The following MROH2A variants were observed in gnomAD, a reference collection of about 807,000 sequenced individuals.
MROH2A encodes the protein maestro heat-like repeat-containing protein family member 2A.
A neutral mutation model predicts 200.4 loss-of-function variants in MROH2A; 174 were observed. The observed-to-expected ratio is 0.87, with a 90% CI of 0.77 to 0.98. MROH2A has a LOEUF of 0.98. Ranked by LOEUF, MROH2A falls within the 50% of genes least tolerant of loss-of-function variation. The probability of loss-of-function intolerance (pLI) is 0.00; values close to 1 mark genes in which losing one functional copy is unlikely to be tolerated. For synonymous variants in MROH2A, 829 were observed against 840.4 expected (o/e 0.99, Z 0.23); for missense variants, 2,045 against 2,139.6 (o/e 0.96, Z 0.87).
chr2:233,814,314 TGGACA>T (rs542085267), intron 25 of MROH2A, among the ~76,000 whole-genome samples: 2 of 152,300 alleles, frequency 1.3e-5, no homozygotes, highest in South Asian at 4.1e-4. Context: ...GAATCTTTTG[TGGACA>T]GGTAGCCATC....
At chr2:233,821,190 C>A (rs975172758) in intron 31 of MROH2A, among the ~76,000 whole-genome samples, 2 of 152,234 alleles carry the variant, frequency 1.3e-5, no homozygotes, top group African/African-American at 4.8e-5. Flanking sequence ...CAGGGTCTCA[C>A]AAGCCTGTGA....
chr2:233,779,315 G>A (rs990466575), intron 1 of MROH2A, 30 bp from the exon 2 acceptor site: 16 of 1,405,706 alleles, frequency 1.1e-5, no homozygotes, highest in Middle Eastern at 1.7e-4. Flanking sequence ...GTCACACCCC[G>A]TATTTTACAA....
intron 38 of MROH2A, among the ~76,000 whole-genome samples, chr2:233,831,084 T>C (rs760860649): frequency 6.6e-5 from 10 of 152,134 alleles, no homozygotes; most frequent in Non-Finnish European, 1.5e-4. Flanking sequence ...ACGTGCCCAG[T>C]CTTGCCTGCT....
chr2:233,807,530 CTT>C lies in MROH2A; in HGVS notation c.2162_2163del (p.Phe721Ter). 6.4e-7 allele frequency: 1 copy of C among 1,550,568 alleles called. No individual in the cohort carries two copies. Among genetic ancestry groups the C allele is most frequent in the Non-Finnish European group, 8.7e-7 (1 of 1,146,988 alleles). ...TGTACAAGACGGACTACAGCAATGA[CTT>C]TGACAGCGAGGTGAGGGTGCCTGCA... ...LLYKTDYSND[F>X]DSEGVIMCFG... On this transcript the variant is annotated frameshift_variant, in exon 20 of 42. Coordinates refer to ENST00000389758, the MANE Select transcript of MROH2A (RefSeq NM_001394639.1). LOFTEE classifies it high-confidence loss of function. This position sits in a 1 kb window ranked among gnomAD's most constrained non-coding sequence, Gnocchi z 4.3.
In MROH2A at chr2:233,779,753, CA is replaced by C. The variant is rs1437113215; in HGVS notation, c.178del (p.Met60CysfsTer8). 1 of 1,550,934 alleles carries C rather than the reference CA, an allele frequency of 6.4e-7. No individual in the cohort carries two copies. Among genetic ancestry groups the C allele is most frequent in the Non-Finnish European group, 8.7e-7 (1 of 1,147,104 alleles). ...KTDTTGAGLDMRKTLASVIIM... is the reference protein window; with the variant it reads ...KTDTTGAGLDXRKTLASVIIM... ...CGGACACAACAGGGGCAGGCCTTGA[CA>C]TGCGGAAGACCCTGGCCTCGGTGAT... On this transcript the variant is annotated frameshift_variant, in exon 3 of 42. Transcript: ENST00000389758. LOFTEE classifies it high-confidence loss of function.
rs1183371406 is a variant in MROH2A at position 233,811,875 on chromosome 2, G to C, written c.2572-5G>C. Reference sequence around the variant, plus strand: ...AAGCCACCACCCCCTGCTTGTGTTGGACAGGCGGTCATCAAGGCAGAACCG... The same window carrying C: ...AAGCCACCACCCCCTGCTTGTGTTGCACAGGCGGTCATCAAGGCAGAACCG... On this transcript the variant is annotated splice_polypyrimidine_tract_variant and splice_region_variant and intron_variant, in intron 23 of 41. Transcript: ENST00000389758. 2 of 1,549,066 alleles carry C rather than the reference G, an allele frequency of 1.3e-6. No homozygotes were observed. The highest frequency in any genetic ancestry group is 2.7e-5 in the African/African-American group (2 of 73,030).
Position 233,819,936 on chromosome 2 carries a change from T to G in MROH2A, c.3392T>G (p.Leu1131Arg). The G allele has an allele frequency of 6.5e-7, 1 of 1,533,688 alleles. No homozygotes were observed. The highest frequency in any genetic ancestry group is 8.8e-7 in the Non-Finnish European group (1 of 1,135,204). The change falls in exon 31 of 42, where the codon CTG becomes CGG. Residue 1131 changes from leucine (L) to arginine (R), a missense_variant. Physicochemically the swap from Leu to Arg is moderately radical, Grantham distance 102. Around this residue, in one of 3 missense-constraint regions of MROH2A, gnomAD observed 1,201 missense variants for 1,311.3 expected, o/e 0.92. Coordinates refer to ENST00000389758, the MANE Select transcript of MROH2A (RefSeq NM_001394639.1). Reference sequence around the variant, plus strand: ...ATCCTGAGTGCCATCCTGGTGCACCTGCCGGTGGTGGACCACCCAGAGGTG... The same window carrying G: ...ATCCTGAGTGCCATCCTGGTGCACCGGCCGGTGGTGGACCACCCAGAGGTG... ...AEILSAILVH[L>R]PVVDHPEVRR...
At chr2:233,793,026 T>A in intron 6 of MROH2A, 132 bp downstream of exon 6, 1 of 917,132 alleles carries the variant, frequency 1.1e-6, no homozygotes, top group Non-Finnish European at 1.6e-6. Context: ...GGAGTTTGCT[T>A]AATCTTTTAC....
intron 38 of MROH2A, 127 bp downstream of exon 38, chr2:233,829,902 C>G: frequency 1.1e-6 from 1 of 892,760 alleles, no homozygotes; most frequent in Non-Finnish European, 1.5e-6. Flanking sequence ...TCTCTGAGAT[C>G]CCAGAGGCCA....
intron 23 of MROH2A, 45 bp downstream of exon 23, chr2:233,810,961 G>A (rs755438635): frequency 6.5e-7 from 1 of 1,544,166 alleles, no homozygotes; most frequent in Non-Finnish European, 8.7e-7. Context: ...CTGGTTTTGG[G>A]GTCTAACTCC....
At chr2:233,795,885 A>G in intron 9 of MROH2A, 82 bp from the exon 10 acceptor site, 1 of 1,530,488 alleles carries the variant, frequency 6.5e-7, no homozygotes, top group Non-Finnish European at 8.8e-7. Flanking sequence ...GTGCCCATGC[A>G]GCCCCAGGTA....
intron 15 of MROH2A, among the ~76,000 whole-genome samples, chr2:233,802,997 A>C (rs1702566207): frequency 6.6e-6 from 1 of 152,224 alleles, no homozygotes; most frequent in Non-Finnish European, 1.5e-5. Context: ...TCTTCTCAGC[A>C]GGCCTGGCCG....
At chr2:233,794,182 A>G (rs1353073366) in intron 7 of MROH2A, among the ~76,000 whole-genome samples, 181 bp from the exon 8 acceptor site, 2 of 152,186 alleles carry the variant, frequency 1.3e-5, no homozygotes, top group Non-Finnish European at 2.9e-5. Context: ...GTACCTGCTC[A>G]AGGTCATGTG....
rs539848440 is a variant in MROH2A at position 233,791,187 on chromosome 2, G to A, written c.571+1173G>A. On this transcript the variant is annotated intron_variant, in intron 5 of 41. Coordinates refer to ENST00000389758, the MANE Select transcript of MROH2A (RefSeq NM_001394639.1). The stretch of plus-strand genomic sequence containing the variant: ...TCACCTCGGGCACTAGGAAGCTATC[G>A]AAGGACATTAAGCTGCAGGGTCGCC... 2.4e-4 allele frequency among the ~76,000 whole-genome samples: 37 copies of A among 152,294 alleles called. 1 individual carries two copies. The South Asian group carries it at 7.0e-3, about 29-fold the overall frequency.
chr2:233,825,965 G>T lies in MROH2A; in HGVS notation c.4113+2301G>T, dbSNP rs183756681. ...TTTTGAGACAGGGTCTTGCTCTGTC[G>T]CCAGGCTGGAGTGCAATGGCGTGAT... On this transcript the variant is annotated intron_variant, in intron 35 of 41. Transcript: ENST00000389758. 2.8e-3 allele frequency among the ~76,000 whole-genome samples: 345 copies of T among 121,216 alleles called. 1 individual carries two copies. The highest frequency in any genetic ancestry group is 0.011 in the African/African-American group (327 of 30,278). 79.5% of individuals were successfully genotyped at this position (121,216 alleles called of 152,430 possible).
chr2:233,806,095 T>TA (rs1702774386), intron 19 of MROH2A, among the ~76,000 whole-genome samples: 2 of 151,990 alleles, frequency 1.3e-5, no homozygotes, highest in Non-Finnish European at 2.9e-5. Context: ...GTGCTAAAAA[T>TA]AATACAATAG....
At position 233,828,871 on chromosome 2, in the gene MROH2A, G is replaced by T. The variant is rs1704514865; in HGVS notation, c.4264-19G>T. Reference sequence around the variant, plus strand: ...CTGGGAGGGAGGGTGCAGGCTGAGGGCTGCCCATGCCCCTCCAGGTGAAGC... The same window carrying T: ...CTGGGAGGGAGGGTGCAGGCTGAGGTCTGCCCATGCCCCTCCAGGTGAAGC... On this transcript the variant is annotated intron_variant, in intron 36 of 41. Transcript: ENST00000389758. The surrounding 1 kb of genome is among the most constrained non-coding windows in gnomAD (Gnocchi z 4.6). 1 of 1,550,354 alleles carries T rather than the reference G, an allele frequency of 6.5e-7. No homozygotes were observed. Among genetic ancestry groups the T allele is most frequent in the Non-Finnish European group, 8.7e-7 (1 of 1,146,906 alleles).
At chr2:233,779,210 G>A (rs771234064) in intron 1 of MROH2A, 135 bp from the exon 2 acceptor site, 20 of 631,026 alleles carry the variant, frequency 3.2e-5, no homozygotes, top group Non-Finnish European at 5.5e-5. Flanking sequence ...GCCATATTCT[G>A]TTGATTAGAA....
At position 233,789,876 on chromosome 2, in the gene MROH2A, G is replaced by A; in HGVS notation, c.433G>A (p.Val145Met). ...PEMEGYMKAE[V>M]ASDTLVALSR... is the part of the protein sequence containing the mutation. ...GATGGAGGGCTATATGAAGGCAGAGGTGGCCAGCGACACACTGGTGGCTCT... is the reference window on the plus strand; with the variant it reads ...GATGGAGGGCTATATGAAGGCAGAGATGGCCAGCGACACACTGGTGGCTCT... Residue 145 changes from valine to methionine, a missense_variant, in exon 5 of 42, where the codon GTG becomes ATG. This residue lies in a region of MROH2A where 831 missense variants were observed against 800.0 expected (regional missense o/e 1.04). Transcript: ENST00000389758. 6.5e-7 allele frequency: 1 copy of A among 1,550,260 alleles called. No homozygotes were observed. The highest frequency in any genetic ancestry group is 8.7e-7 in the Non-Finnish European group (1 of 1,146,842).
Sources: allele counts gnomAD v4.1 joint callset (sites outside exome capture counted in the v4.1 genomes callset), GRCh38; gene constraint gnomAD v4.1.1; regional missense constraint gnomAD v4.1.1; non-coding constraint Gnocchi (gnomAD v3.1); transcripts MANE v1.5; gene names NCBI Gene and HGNC (gene_info 2026-07-23, HGNC 2026-07-21).